The following LDLRAD4 variants were observed in gnomAD, a reference collection of about 807,000 sequenced individuals.
The protein encoded by LDLRAD4 is low-density lipoprotein receptor class A domain-containing protein 4.
A neutral mutation model predicts 17.0 loss-of-function variants in LDLRAD4; 5 were observed. The observed-to-expected ratio is 0.29, with a 90% CI of 0.15 to 0.62. The LOEUF (loss-of-function observed/expected upper bound fraction) is 0.62. LDLRAD4 is among the 20% of genes least tolerant of loss of function. LDLRAD4 has a pLI of 0.84. For synonymous variants in LDLRAD4, 168 were observed against 171.8 expected (o/e 0.98, Z 0.17); for missense variants, 340 against 424.7 (o/e 0.80, Z 1.75).
intron 5 of LDLRAD4, chr18:13,644,753 C>A: frequency 4.9e-6 from 1 of 202,030 alleles, no homozygotes; most frequent in Admixed American, 5.5e-5. Context: ...TGACCAGATC[C>A]AAGTGCAGGC....
chr18:13,612,355 G>C, intron 3 of LDLRAD4: 1 of 1,130,498 alleles, frequency 8.8e-7, no homozygotes, highest in Non-Finnish European at 1.1e-6. Context: ...TCTCAGGATC[G>C]GAGACCCCGG....
At chr18:13,276,894 A>G (rs750290550), upstream of LDLRAD4, among the ~76,000 whole-genome samples, 4 of 152,140 alleles carry the variant, frequency 2.6e-5, no homozygotes, top group Non-Finnish European at 5.9e-5. Flanking sequence ...CTTTCTGGTT[A>G]TTTCATGGAC....
chr18:13,423,518 A>G (rs2089670032), intron 2 of LDLRAD4: 1 of 151,668 alleles, frequency 6.6e-6, no homozygotes, highest in South Asian at 2.1e-4. Context: ...CTAAAGAAGA[A>G]CCCCATTTAC....
At chr18:13,528,190 A>G (rs1439776668) in intron 3 of LDLRAD4, among the ~76,000 whole-genome samples, 1 of 152,190 alleles carries the variant, frequency 6.6e-6, no homozygotes, top group East Asian at 1.9e-4. Flanking sequence ...GTCTAAAAGT[A>G]TATGGGGGAA....
intron 2 of LDLRAD4, among the ~76,000 whole-genome samples, chr18:13,400,477 C>T (rs1389530491): frequency 6.6e-6 from 1 of 152,118 alleles, no homozygotes; most frequent in Non-Finnish European, 1.5e-5. Context: ...GGTGTGGGGC[C>T]CAGACCTGCG....
At chr18:13,335,818 A>G (rs2143874844) in intron 1 of LDLRAD4, among the ~76,000 whole-genome samples, 1 of 152,342 alleles carries the variant, frequency 6.6e-6, no homozygotes, top group Non-Finnish European at 1.5e-5. Context: ...ACTGTGAAGA[A>G]ATACGTGGCT....
intron 1 of LDLRAD4, among the ~76,000 whole-genome samples, chr18:13,292,497 A>G (rs1245729547): frequency 6.6e-6 from 1 of 152,218 alleles, no homozygotes; most frequent in African/African-American, 2.4e-5. Flanking sequence ...ACAATATCCC[A>G]TGAAATGAAA....
intron 3 of LDLRAD4, among the ~76,000 whole-genome samples, chr18:13,597,084 G>GTATT (rs1318233965): frequency 2.2e-4 from 34 of 152,226 alleles, no homozygotes; most frequent in African/African-American, 7.9e-4. Context: ...AATTCCTTTT[G>GTATT]TATTTCTTAA....
intron 1 of LDLRAD4, among the ~76,000 whole-genome samples, chr18:13,225,345 C>A (rs1325787529): frequency 6.6e-6 from 1 of 152,174 alleles, no homozygotes; most frequent in Non-Finnish European, 1.5e-5. Flanking sequence ...GAAAGGGTGT[C>A]CCTCACAGCT....
At chr18:13,315,358 A>G (rs574524155) in intron 1 of LDLRAD4, among the ~76,000 whole-genome samples, 237 of 152,222 alleles carry the variant, frequency 1.6e-3, no homozygotes, top group Non-Finnish European at 3.0e-3. Context: ...TGATTAAAAG[A>G]TGAAGGAGAA....
At chr18:13,601,643 G>C (rs1601641985) in intron 3 of LDLRAD4, among the ~76,000 whole-genome samples, 1 of 132,738 alleles carries the variant, frequency 7.5e-6, no homozygotes, top group Admixed American at 8.5e-5. Context: ...GACAGAGTGA[G>C]ACTCTGTCTG....
At chr18:13,343,969 A>T (rs2082530743) in intron 1 of LDLRAD4, among the ~76,000 whole-genome samples, 1 of 152,096 alleles carries the variant, frequency 6.6e-6, no homozygotes, top group Non-Finnish European at 1.5e-5. Context: ...TTCATTGTAG[A>T]TTCTGGATAT....
intron 4 of LDLRAD4, among the ~76,000 whole-genome samples, chr18:13,642,921 A>AT (rs1282432755): frequency 5.1e-4 from 65 of 126,520 alleles, no homozygotes; most frequent in East Asian, 5.0e-3. Context: ...TTGTTTATCT[A>AT]TTTTTTGTTT....
chr18:13,621,588 T>C lies in LDLRAD4; in HGVS notation c.336+317T>C, dbSNP rs573578367. On this transcript the variant is annotated intron_variant, in intron 4 of 5. Coordinates refer to ENST00000359446, the Ensembl canonical transcript of LDLRAD4. The surrounding 1 kb of genome is among the most constrained non-coding windows in gnomAD (Gnocchi z 5.5). The stretch of plus-strand genomic sequence containing the variant: ...AACGGGACCGGCCCTGGGTGGTCCC[T>C]CGTGCCTGGCTCCTCTGGCTTGGCA... 2.0e-5 allele frequency among the ~76,000 whole-genome samples: 3 copies of C among 152,340 alleles called. No homozygotes were observed. Among genetic ancestry groups the C allele is most frequent in the Admixed American group, 6.5e-5 (1 of 15,310 alleles).
At chr18:13,581,167 T>C (rs930967746) in intron 3 of LDLRAD4, among the ~76,000 whole-genome samples, 4 of 152,256 alleles carry the variant, frequency 2.6e-5, no homozygotes, top group Non-Finnish European at 5.9e-5. Flanking sequence ...AATAATTTTG[T>C]GCATGAAACA....
At chr18:13,498,528 T>C (rs2093530621) in intron 3 of LDLRAD4, among the ~76,000 whole-genome samples, 2 of 147,380 alleles carry the variant, frequency 1.4e-5, no homozygotes, top group Non-Finnish European at 3.0e-5. Context: ...TGTCCCACTG[T>C]GGACACTGGA....
chr18:13,225,409 C>T (rs1216370463), intron 1 of LDLRAD4, among the ~76,000 whole-genome samples: 2 of 152,228 alleles, frequency 1.3e-5, no homozygotes, highest in Admixed American at 1.3e-4. Flanking sequence ...TAGATACTAC[C>T]AGGTGTCCCA....
chr18:13,575,285 C>A (rs1352534155), intron 3 of LDLRAD4, among the ~76,000 whole-genome samples: 3 of 152,200 alleles, frequency 2.0e-5, no homozygotes, highest in Non-Finnish European at 4.4e-5. Context: ...CCTTTGCATC[C>A]TCATAGCTTA....
chr18:13,390,233 A>T (rs1308674360), intron 2 of LDLRAD4, among the ~76,000 whole-genome samples: 1 of 152,208 alleles, frequency 6.6e-6, no homozygotes, highest in Non-Finnish European at 1.5e-5. Flanking sequence ...TGGCTGAGGA[A>T]CAAGGTGTGC....
Sources: allele counts gnomAD v4.1 joint callset (sites outside exome capture counted in the v4.1 genomes callset), GRCh38; gene constraint gnomAD v4.1.1; non-coding constraint Gnocchi (gnomAD v3.1); transcripts MANE v1.5; gene names NCBI Gene and HGNC (gene_info 2026-07-23, HGNC 2026-07-21).